Variants in PLCL2 observed in about 807,000 individuals in gnomAD.
PLCL2 encodes the protein phospholipase C like 2, also known as inactive phospholipase C-like protein 2.
PLCL2 carries 4 observed loss-of-function variants against 79.6 expected under a neutral mutation model. That is an observed-to-expected ratio of 0.05 (90% CI 0.02 to 0.11). The LOEUF (loss-of-function observed/expected upper bound fraction) is 0.11. Ranked by LOEUF, PLCL2 falls within the 10% of genes least tolerant of loss-of-function variation. PLCL2 has a pLI of 1.00. For missense variants in PLCL2, 895 were observed against 1,291.0 expected (o/e 0.69, Z 4.70); for synonymous variants, 484 against 457.7 (o/e 1.06, Z -0.73).
At chr3:16,899,410 G>T (rs1013662304) in intron 1 of PLCL2, among the ~76,000 whole-genome samples, 7 of 152,152 alleles carry the variant, frequency 4.6e-5, no homozygotes, top group African/African-American at 1.7e-4. Flanking sequence ...TATCAAGTAG[G>T]TACAGAGGCT....
At chr3:17,008,056 T>C (rs1283100481) in intron 1 of PLCL2, among the ~76,000 whole-genome samples, 1 of 152,198 alleles carries the variant, frequency 6.6e-6, no homozygotes, top group African/African-American at 2.4e-5. Flanking sequence ...TGAGAACATG[T>C]TACCTTAAGC....
At chr3:16,915,882 C>T (rs1696982671) in intron 1 of PLCL2, among the ~76,000 whole-genome samples, 1 of 152,164 alleles carries the variant, frequency 6.6e-6, no homozygotes, top group East Asian at 1.9e-4. Flanking sequence ...AGGGACGCCT[C>T]ATTCAGCTTA....
intron 3 of PLCL2, among the ~76,000 whole-genome samples, chr3:17,040,434 C>T (rs566916594): frequency 3.9e-5 from 6 of 152,156 alleles, no homozygotes; most frequent in Non-Finnish European, 8.8e-5. Context: ...CTTCATCACA[C>T]CCAGCTTTTC....
chr3:16,942,918 A>T (rs556465089), intron 1 of PLCL2, among the ~76,000 whole-genome samples: 1 of 152,190 alleles, frequency 6.6e-6, no homozygotes, highest in Non-Finnish European at 1.5e-5. Context: ...GGCATGCCTA[A>T]CTTTTCTTTA....
rs1474968671 is a variant in PLCL2, at chr3:16,885,233, G to T, written c.194G>T (p.Gly65Val). Reference protein sequence around the residue: ...SNGDCSLGVSGDEARASPTRG... With the variant: ...SNGDCSLGVSVDEARASPTRG... ...GGAGACTGCAGCCTCGGCGTGTCCG[G>T]GGACGAAGCCCGGGCTAGCCCTACC... The change falls in exon 1 of 6, where the codon GGG (glycine) becomes GTG (valine). Residue 65 changes from glycine (G) to valine (V), a missense_variant. Physicochemically the swap from Gly to Val is moderately radical, Grantham distance 109. Transcript: ENST00000615277. 1 of 665,088 alleles carries T rather than the reference G, an allele frequency of 1.5e-6. No individual in the cohort carries two copies. Among genetic ancestry groups the T allele is most frequent in the East Asian group, 3.1e-5 (1 of 32,592 alleles). The allele number at this position is 665,088 out of a possible 1,614,324, so 41.2% of individuals were successfully genotyped here.
At chr3:17,052,256 G>GC (rs1353915221) in intron 4 of PLCL2, among the ~76,000 whole-genome samples, 1 of 56,238 alleles carries the variant, frequency 1.8e-5, no homozygotes. Context: ...AAAAAAAATT[G>GC]GGGGGGGGTG....
chr3:17,018,621 C>T (rs1239675804), intron 3 of PLCL2, among the ~76,000 whole-genome samples: 1 of 152,148 alleles, frequency 6.6e-6, no homozygotes, highest in Admixed American at 6.5e-5. Context: ...TTGCATTGGA[C>T]AGCATACATG....
intron 1 of PLCL2, among the ~76,000 whole-genome samples, chr3:17,002,743 C>G: frequency 6.6e-6 from 1 of 152,136 alleles, no homozygotes. Flanking sequence ...TGTTAGATAA[C>G]AGCTCTTAGA....
chr3:16,947,973 G>C, intron 1 of PLCL2, among the ~76,000 whole-genome samples: 1 of 152,148 alleles, frequency 6.6e-6, no homozygotes, highest in South Asian at 2.1e-4. Flanking sequence ...GATGAATAAA[G>C]AAAAACATGT....
intron 1 of PLCL2, among the ~76,000 whole-genome samples, chr3:16,957,124 G>T (rs1398488994): frequency 6.6e-6 from 1 of 152,056 alleles, no homozygotes; most frequent in Non-Finnish European, 1.5e-5. Context: ...TGATGTTAGG[G>T]TGTCAATTTT....
At chr3:16,999,370 T>A (rs1436831595) in intron 1 of PLCL2, among the ~76,000 whole-genome samples, 1 of 152,226 alleles carries the variant, frequency 6.6e-6, no homozygotes, top group Non-Finnish European at 1.5e-5. Context: ...TTTAGAGTAT[T>A]GCAGTGACAC....
chr3:16,905,004 G>T lies in PLCL2; in HGVS notation c.327+19638G>T, dbSNP rs187504724. ...CTCAGGTATTTCTTCATAGCAGCGT[G>T]GGAAAAGACTAATACAGGAATGGTA... On this transcript the variant is annotated intron_variant, in intron 1 of 5. Coordinates refer to ENST00000615277, the MANE Select transcript of PLCL2 (RefSeq NM_001144382.2). 5.3e-5 allele frequency among the ~76,000 whole-genome samples: 8 copies of T among 152,222 alleles called. No homozygotes were observed. The East Asian group carries it at 1.4e-3, about 26-fold the overall frequency.
intron 1 of PLCL2, among the ~76,000 whole-genome samples, chr3:16,903,336 G>T (rs1047862462): frequency 5.3e-5 from 8 of 152,160 alleles, no homozygotes; most frequent in Non-Finnish European, 1.0e-4. Context: ...CGAATATTGG[G>T]TAGGATGCAT....
At chr3:16,974,848 A>C (rs2063907796) in intron 1 of PLCL2, among the ~76,000 whole-genome samples, 1 of 152,248 alleles carries the variant, frequency 6.6e-6, no homozygotes. Context: ...TTTACATAAT[A>C]GATGAGTATT....
At chr3:16,908,024 C>G (rs1172758818) in intron 1 of PLCL2, among the ~76,000 whole-genome samples, 1 of 152,000 alleles carries the variant, frequency 6.6e-6, no homozygotes. Context: ...ACTGTGTGGG[C>G]TGATTTGATA....
intron 5 of PLCL2, 70 bp from the exon 6 acceptor site, chr3:17,089,659 AAGAT>A (rs1364982723): frequency 3.8e-5 from 33 of 869,820 alleles, no homozygotes; most frequent in Non-Finnish European, 5.1e-5. Context: ...ATTTCAGTGA[AAGAT>A]AGATATTGTT....
chr3:16,928,485 C>T (rs1033932398), intron 1 of PLCL2, among the ~76,000 whole-genome samples: 4 of 152,052 alleles, frequency 2.6e-5, no homozygotes, highest in East Asian at 1.9e-4. Context: ...AAGGGTGCAC[C>T]GAGGAAGAGC....
chr3:17,044,809 G>T (rs1002495332), intron 4 of PLCL2, among the ~76,000 whole-genome samples: 1 of 152,108 alleles, frequency 6.6e-6, no homozygotes, highest in African/African-American at 2.4e-5. Context: ...TATGAGATTT[G>T]ATAATTTTCA....
intron 1 of PLCL2, among the ~76,000 whole-genome samples, chr3:16,913,310 G>T (rs539728182): frequency 6.6e-6 from 1 of 151,594 alleles, no homozygotes; most frequent in African/African-American, 2.4e-5. Flanking sequence ...TTCCTCTAGG[G>T]ACTTTTCTTA....
Sources: gnomAD v4.1 joint callset for allele counts (sites outside exome capture counted in the v4.1 genomes callset) on GRCh38, gnomAD v4.1.1 for gene constraint, MANE v1.5 for transcripts, NCBI Gene and HGNC (gene_info 2026-07-23, HGNC 2026-07-21) for gene names.